FLCN: variants seen among roughly 807,000 people sequenced by gnomAD.
FLCN encodes the protein folliculin, also known as BHD skin lesion fibrofolliculoma protein.
FLCN carries 22 observed loss-of-function variants against 62.5 expected under a neutral mutation model. The ratio of observed to expected loss-of-function variants is 0.35; its 90% CI spans 0.25 to 0.50. The LOEUF (loss-of-function observed/expected upper bound fraction) is 0.50, where lower values mean the gene tolerates loss of function less well. Among genes scored for constraint, FLCN ranks in the 20% least tolerant of loss-of-function variants. The pLI is 0.97. For synonymous variants in FLCN, 319 were observed against 310.0 expected (o/e 1.03, Z -0.30); for missense variants, 657 against 778.0 (o/e 0.84, Z 1.85).
rs1021480303 is a variant in FLCN at position 17,212,740 on chromosome 17, C to T, written c.*915G>A. ...GGCAGAGGTTGCAGTGAGCCAAGAT[C>T]GTGCCATTGCACTCCAGCCTGGGCA... On this transcript the variant is annotated 3_prime_UTR_variant, in exon 14 of 14. Transcript: ENST00000285071. 3.1e-5 allele frequency: 6 copies of T among 190,614 alleles called. No individual in the cohort carries two copies. Among genetic ancestry groups the T allele is most frequent in the Non-Finnish European group, 5.5e-5 (5 of 91,204 alleles). The allele number at this position is 190,614 out of a possible 1,614,324, so 11.8% of individuals were successfully genotyped here.
At position 17,222,125 on chromosome 17, in the gene FLCN, T is replaced by A. The variant is rs369539221; in HGVS notation, c.779+376A>T. Among the ~76,000 whole-genome samples the A allele has an allele frequency of 4.8e-3, 720 of 150,550 alleles. 5 individuals carry two copies. The highest frequency in any genetic ancestry group is 0.032 in the Middle Eastern group (9 of 282). On this transcript the variant is annotated intron_variant, in intron 7 of 13. Transcript: ENST00000285071. ...GCTGAGGCAGGTGGATCACATGAGG[T>A]CAGGAGTTTGAGAACAGCCTGGCCA... is the stretch of plus-strand genomic sequence containing the variant.
chr17:17,215,371 C>T, intron 11 of FLCN, 55 bp from the exon 12 acceptor site: 1 of 1,611,648 alleles, frequency 6.2e-7, no homozygotes, highest in South Asian at 1.1e-5. Flanking sequence ...CTCACCTCCC[C>T]TGCGCTAGCC....
At chr17:17,215,472 C>T (rs557299472) in intron 11 of FLCN, among the ~76,000 whole-genome samples, 156 bp from the exon 12 acceptor site, 140 of 152,336 alleles carry the variant, frequency 9.2e-4, no homozygotes, top group Admixed American at 2.0e-3. Context: ...TATTTAAAAC[C>T]TTTCAGGTTA....
intron 3 of FLCN, among the ~76,000 whole-genome samples, chr17:17,230,638 A>C (rs562346278): frequency 6.6e-6 from 1 of 152,064 alleles, no homozygotes; most frequent in East Asian, 1.9e-4. Context: ...AGGGAGGAGA[A>C]TCACTTGAAC....
intron 4 of FLCN, among the ~76,000 whole-genome samples, chr17:17,227,290 AGAACACTGGGGGTCCTGGGAG>A (rs1358242584): frequency 6.6e-6 from 1 of 151,890 alleles, no homozygotes; most frequent in Non-Finnish European, 1.5e-5. Flanking sequence ...TGACCCACCG[AGAACACTGGGGGTCCTGGGAG>A]CAGGAAACTC....
Position 17,215,796 on chromosome 17 carries a change from A to G in FLCN, c.1301-480T>C, listed in dbSNP as rs185388951. Among the ~76,000 whole-genome samples the G allele has an allele frequency of 3.0e-3, 461 of 152,240 alleles. 3 individuals carry two copies. The highest frequency in any genetic ancestry group is 4.8e-3 in the Non-Finnish European group (327 of 68,014). ...CTGATTGGGGGCTCAGGGTAGCTCC[A>G]CTCGGACCATGAGTCAGCAGCTGCT... On this transcript the variant is annotated intron_variant, in intron 11 of 13. Coordinates refer to ENST00000285071, the MANE Select transcript of FLCN (RefSeq NM_144997.7).
In FLCN at chr17:17,216,739, C is replaced by T. The variant is rs140009650; in HGVS notation, c.1177-236G>A. ...TCACACACCAGCTTGTACCGCCCCT[C>T]GCTCTGTGGTGTTAACTCATATTAA... On this transcript the variant is annotated intron_variant, in intron 10 of 13. Transcript: ENST00000285071. The surrounding 1 kb of genome is among the most constrained non-coding windows in gnomAD (Gnocchi z 4.0). Among the ~76,000 whole-genome samples the T allele has an allele frequency of 1.9e-3, 288 of 152,314 alleles. No individual in the cohort carries two copies. Among genetic ancestry groups the T allele is most frequent in the African/African-American group, 5.9e-3 (244 of 41,576 alleles).
At chr17:17,227,577 G>T (rs994395875) in intron 4 of FLCN, among the ~76,000 whole-genome samples, 1 of 152,186 alleles carries the variant, frequency 6.6e-6, no homozygotes, top group African/African-American at 2.4e-5. Context: ...GCCAGGCGTG[G>T]TGGCAGGCAA....
intron 8 of FLCN, chr17:17,221,268 G>T (rs376274135): frequency 7.1e-6 from 11 of 1,545,338 alleles, no homozygotes; most frequent in Non-Finnish European, 9.6e-6. Flanking sequence ...TAATCAGCCA[G>T]TTCTCTCTAC....
chr17:17,226,233 G>A lies in FLCN; in HGVS notation c.339C>T (p.Ser113=), dbSNP rs1350727957. ...GGACAATGCTGAAGAGCTGGGGGTG[G>A]CTGGGGTGCTGGTGGCTGACGTATT... The part of the protein sequence containing the change: ...SIKYVSHQHP[S]HPQLFSIVRQ... Residue 113 remains serine (S), a synonymous_variant, in exon 5 of 14, where the codon AGC becomes AGT. Transcript: ENST00000285071. The A allele has an allele frequency of 1.2e-6, 2 of 1,614,046 alleles. No individual in the cohort carries two copies. Among genetic ancestry groups the A allele is most frequent in the African/African-American group, 1.3e-5 (1 of 74,924 alleles).
rs1597586862 is a variant in FLCN, at chr17:17,217,114, T to C, written c.1131A>G (p.Lys377=). The change falls in exon 10 of 14, where the codon AAA becomes AAG. Residue 377 remains lysine, a synonymous_variant. Transcript: ENST00000285071. The part of the protein sequence containing the change: ...HVLMGNQVIW[K]SRDVDLVQSA... The stretch of plus-strand genomic sequence containing the variant: ...ACTGGACGAGGTCCACGTCTCTGCT[T>C]TTCCAGATCACCTGGTTCCCCATGA... The C allele has an allele frequency of 1.2e-6, 2 of 1,614,074 alleles. No individual in the cohort carries two copies. Among genetic ancestry groups the C allele is most frequent in the Non-Finnish European group, 1.7e-6 (2 of 1,180,002 alleles).
chr17:17,214,597 A>G (rs1189532612), intron 13 of FLCN, among the ~76,000 whole-genome samples: 1 of 152,168 alleles, frequency 6.6e-6, no homozygotes, highest in Non-Finnish European at 1.5e-5. Flanking sequence ...TCTGACTCAA[A>G]AAAAATAAAA....
At position 17,234,214 on chromosome 17, in the gene FLCN, G is replaced by GTTT. The variant is rs1436629658; in HGVS notation, c.-227-1316_-227-1314dup. On this transcript the variant is annotated intron_variant, in intron 1 of 13. Coordinates refer to ENST00000285071, the MANE Select transcript of FLCN (RefSeq NM_144997.7). ...GGCTACACTGTTTTGTTTTTTTTTG[G>GTTT]TTTGTTTTTTTTTTTGCGGAAGGGT... Among the ~76,000 whole-genome samples, 986 of 125,060 alleles carry GTTT rather than the reference G, an allele frequency of 7.9e-3. 5 individuals are homozygous for GTTT. The highest frequency in any genetic ancestry group is 0.011 in the Non-Finnish European group (609 of 57,114). The allele number at this position is 125,060 out of a possible 152,430, so 82.0% of individuals were successfully genotyped here.
At chr17:17,219,445 AGCTGTTCTCT>A in intron 8 of FLCN, 1 of 550,700 alleles carries the variant, frequency 1.8e-6, no homozygotes, top group Admixed American at 3.0e-5. Context: ...AAAGACCGTC[AGCTGTTCTCT>A]GCTGGTGAGA....
chr17:17,223,220 A>G (rs749329743), intron 6 of FLCN: 17 of 193,416 alleles, frequency 8.8e-5, no homozygotes, highest in Admixed American at 1.6e-4. Flanking sequence ...CAGCCTCCCA[A>G]GTAGCTGGGA....
Position 17,213,629 on chromosome 17 carries a change from G to C in FLCN, c.*26C>G. Reference sequence around the variant, plus strand: ...GAGGATCCTGTGGACAGCCATCCCTGTCTTTAGGCAGGTGTGTGTGACGGG... The same window carrying C: ...GAGGATCCTGTGGACAGCCATCCCTCTCTTTAGGCAGGTGTGTGTGACGGG... On this transcript the variant is annotated 3_prime_UTR_variant, in exon 14 of 14. Transcript: ENST00000285071. The C allele has an allele frequency of 6.2e-7, 1 of 1,614,122 alleles. No homozygotes were observed. The highest frequency in any genetic ancestry group is 8.5e-7 in the Non-Finnish European group (1 of 1,179,976).
chr17:17,225,215 A>C (rs1459338418), intron 5 of FLCN: 1 of 152,328 alleles, frequency 6.6e-6, no homozygotes, highest in Non-Finnish European at 1.5e-5. Context: ...GGACTGAGAT[A>C]ATAAAAAAAG....
At chr17:17,219,284 G>A in intron 8 of FLCN, 75 bp from the exon 9 acceptor site, 1 of 1,518,490 alleles carries the variant, frequency 6.6e-7, no homozygotes, top group Non-Finnish European at 9.1e-7. Context: ...GATACTTCAT[G>A]GGCTGAGCCG....
At chr17:17,234,808 T>G (rs2145131939) in intron 1 of FLCN, among the ~76,000 whole-genome samples, 1 of 151,548 alleles carries the variant, frequency 6.6e-6, no homozygotes, top group East Asian at 2.0e-4. Flanking sequence ...AAACCCCATC[T>G]CTACTAAAAA....
Sources: allele counts gnomAD v4.1 joint callset (sites outside exome capture counted in the v4.1 genomes callset), GRCh38; gene constraint gnomAD v4.1.1; non-coding constraint Gnocchi (gnomAD v3.1); transcripts MANE v1.5; gene names NCBI Gene and HGNC (gene_info 2026-07-23, HGNC 2026-07-21).